The following HSD17B12 variants were observed in gnomAD, a reference collection of about 807,000 sequenced individuals.
HSD17B12 encodes very-long-chain 3-oxoacyl-CoA reductase.
A neutral mutation model predicts 39.3 loss-of-function variants in HSD17B12; 32 were observed. That is an observed-to-expected ratio of 0.81 (90% CI 0.61 to 1.09). The LOEUF (loss-of-function observed/expected upper bound fraction) is 1.09. Ranked by LOEUF, HSD17B12 falls within the 50% of genes least tolerant of loss-of-function variation. The probability of loss-of-function intolerance (pLI) is 0.00; values close to 1 mark genes in which losing one functional copy is unlikely to be tolerated. For synonymous variants in HSD17B12, 150 were observed against 146.7 expected, an observed-to-expected ratio of 1.02 and a Z score of -0.16; for missense variants, 342 against 382.9, an observed-to-expected ratio of 0.89 and a Z score of 0.89.
intron 3 of HSD17B12, among the ~76,000 whole-genome samples, chr11:43,795,569 A>C (rs1950908996): frequency 1.3e-5 from 2 of 152,144 alleles, no homozygotes; most frequent in Non-Finnish European, 2.9e-5. Context: ...AGTCTGCTGG[A>C]TTCTTCTGGG....
chr11:43,595,034 A>G, the HSD17B12 span, among the ~76,000 whole-genome samples: 1 of 152,198 alleles, frequency 6.6e-6, no homozygotes, highest in Non-Finnish European at 1.5e-5. Flanking sequence ...AAATACCACA[A>G]CTGCACAAAT....
intron 6 of HSD17B12, 67 bp from the exon 7 acceptor site, chr11:43,830,909 T>C: frequency 7.4e-7 from 1 of 1,351,204 alleles, no homozygotes. Context: ...GTGGGTGAGT[T>C]TTCTTCACTC....
intron 1 of HSD17B12, among the ~76,000 whole-genome samples, chr11:43,715,822 T>G (rs1393904149): frequency 6.6e-6 from 1 of 152,202 alleles, no homozygotes; most frequent in Non-Finnish European, 1.5e-5. Context: ...TTGTTTCATT[T>G]TAATTAAAAA....
chr11:43,601,111 AT>A, the HSD17B12 span, among the ~76,000 whole-genome samples: 1 of 149,058 alleles, frequency 6.7e-6, no homozygotes, highest in South Asian at 2.1e-4. Context: ...TTATTTATTT[AT>A]TTTTAATGAC....
At chr11:43,654,351 T>C in the HSD17B12 span, among the ~76,000 whole-genome samples, 1 of 152,198 alleles carries the variant, frequency 6.6e-6, no homozygotes, top group Non-Finnish European at 1.5e-5. Flanking sequence ...AGGTTGCCTG[T>C]TCACTCTGAT....
chr11:43,587,371 G>A, the HSD17B12 span, among the ~76,000 whole-genome samples: 3 of 151,964 alleles, frequency 2.0e-5, no homozygotes, highest in Non-Finnish European at 4.4e-5. Flanking sequence ...GACATCCCTA[G>A]GTTCCATAGA....
At chr11:43,684,773 G>T (rs187247940) in intron 1 of HSD17B12, among the ~76,000 whole-genome samples, 1 of 152,084 alleles carries the variant, frequency 6.6e-6, no homozygotes, top group Non-Finnish European at 1.5e-5. Flanking sequence ...TGTTCACAGG[G>T]TTGTGCAACC....
chr11:43,736,681 T>A (rs1565069261), intron 1 of HSD17B12, among the ~76,000 whole-genome samples: 1 of 152,168 alleles, frequency 6.6e-6, no homozygotes, highest in African/African-American at 2.4e-5. Context: ...GTTAGAGTGG[T>A]CTTATATTGC....
chr11:43,827,775 T>C (rs1249297871), intron 6 of HSD17B12, among the ~76,000 whole-genome samples: 1 of 152,214 alleles, frequency 6.6e-6, no homozygotes, highest in Non-Finnish European at 1.5e-5. Flanking sequence ...GAAATAAGCC[T>C]CTTATTTATT....
rs184765877 is a variant in HSD17B12 at position 43,845,133 on chromosome 11, G to A, written c.684+5069G>A. On this transcript the variant is annotated intron_variant, in intron 9 of 10. Coordinates refer to ENST00000278353, the MANE Select transcript of HSD17B12 (RefSeq NM_016142.3). ...CTCAGCCTCCTGTGTGGCTAGGACCGCAGGCACATGCCACCAAGCCTAGCA... is the reference window on the plus strand; with the variant it reads ...CTCAGCCTCCTGTGTGGCTAGGACCACAGGCACATGCCACCAAGCCTAGCA... Among the ~76,000 whole-genome samples, 366 of 152,194 alleles carry A rather than the reference G, an allele frequency of 2.4e-3. 4 individuals are homozygous for A. Among genetic ancestry groups the A allele is most frequent in the African/African-American group, 8.3e-3 (346 of 41,522 alleles).
At chr11:43,812,836 T>C (rs1205300102) in intron 4 of HSD17B12, among the ~76,000 whole-genome samples, 10 of 152,138 alleles carry the variant, frequency 6.6e-5, no homozygotes, top group Admixed American at 5.2e-4. Context: ...GAAGACTCTC[T>C]ATTGTTTGTT....
the HSD17B12 span, among the ~76,000 whole-genome samples, chr11:43,672,198 G>A: frequency 3.3e-5 from 5 of 152,094 alleles, no homozygotes; most frequent in South Asian, 8.3e-4. Flanking sequence ...ACAGGCGCCC[G>A]CCACCACGCC....
intron 4 of HSD17B12, among the ~76,000 whole-genome samples, chr11:43,799,692 T>C (rs1424134784): frequency 6.6e-6 from 1 of 152,182 alleles, no homozygotes; most frequent in Non-Finnish European, 1.5e-5. Context: ...GTTGGATAAA[T>C]TAAGATAATT....
At chr11:43,650,850 C>A in the HSD17B12 span, among the ~76,000 whole-genome samples, 1 of 152,190 alleles carries the variant, frequency 6.6e-6, no homozygotes, top group African/African-American at 2.4e-5. Flanking sequence ...TGGAAATAAA[C>A]ATTTCAAAAG....
chr11:43,773,468 G>A (rs1262710860), intron 3 of HSD17B12, among the ~76,000 whole-genome samples: 1 of 152,172 alleles, frequency 6.6e-6, no homozygotes, highest in African/African-American at 2.4e-5. Flanking sequence ...TCAAACTCCT[G>A]ACCTCAGTGA....
At position 43,734,174 on chromosome 11, in the gene HSD17B12, C is replaced by T. The variant is rs11037585; in HGVS notation, c.161-16737C>T. On this transcript the variant is annotated intron_variant, in intron 1 of 10. Transcript: ENST00000278353. ...CTTTGATGCTGGAGAACTAATCACC[C>T]AGAGAGAGCTGGTCTCCAGGCAGGT... 3.8e-3 allele frequency: 5,915 copies of T among 1,570,710 alleles called. 81 individuals carry two copies. In the East Asian group the frequency reaches 0.053, roughly 14 times the overall value.
the HSD17B12 span, among the ~76,000 whole-genome samples, chr11:43,655,932 G>C: frequency 1.3e-5 from 2 of 152,180 alleles, no homozygotes; most frequent in African/African-American, 4.8e-5. Flanking sequence ...AATGAGTTAG[G>C]GAGGATTTCC....
chr11:43,787,194 C>T (rs959883408), intron 3 of HSD17B12, among the ~76,000 whole-genome samples: 8 of 152,102 alleles, frequency 5.3e-5, no homozygotes, highest in African/African-American at 1.4e-4. Flanking sequence ...CACCCGCCTC[C>T]GCCTCCCAAA....
chr11:43,771,436 T>C (rs1344398757), intron 3 of HSD17B12, among the ~76,000 whole-genome samples: 1 of 150,978 alleles, frequency 6.6e-6, no homozygotes. Context: ...TTCTGTTGGA[T>C]ATATATGTAG....
Sources: allele counts gnomAD v4.1 joint callset (sites outside exome capture counted in the v4.1 genomes callset), GRCh38; gene constraint gnomAD v4.1.1; transcripts MANE v1.5; gene names NCBI Gene and HGNC (gene_info 2026-07-23, HGNC 2026-07-21).